Variants in KMT2C observed in about 807,000 individuals in gnomAD.
KMT2C encodes lysine methyltransferase 2C.
A neutral mutation model predicts 507.9 loss-of-function variants in KMT2C; 88 were observed. The observed-to-expected ratio is 0.17, with a 90% CI of 0.15 to 0.21. The LOEUF is 0.21. KMT2C is among the 10% of genes least tolerant of loss of function. The probability of loss-of-function intolerance (pLI) is 1.00; values close to 1 mark genes in which losing one functional copy is unlikely to be tolerated. For missense variants in KMT2C, 4,954 were observed against 5,957.8 expected, an observed-to-expected ratio of 0.83 and a Z score of 5.55; for synonymous variants, 2,049 against 2,080.8, an observed-to-expected ratio of 0.98 and a Z score of 0.42.
chr7:152,162,023 G>C, intron 43 of KMT2C, 94 bp downstream of exon 43: 1 of 1,349,086 alleles, frequency 7.4e-7, no homozygotes, highest in Non-Finnish European at 9.6e-7. Context: ...AAAGGTTGTA[G>C]AATAATGTGG....
At chr7:152,213,069 A>G (rs1293239039) in intron 23 of KMT2C, among the ~76,000 whole-genome samples, 1 of 152,248 alleles carries the variant, frequency 6.6e-6, no homozygotes, top group Non-Finnish European at 1.5e-5. Context: ...AAAAAACTAA[A>G]GACACAAATA....
In KMT2C at chr7:152,156,364, A is replaced by C; in HGVS notation, c.11671-18T>G. 6.2e-7 allele frequency: 1 copy of C among 1,613,120 alleles called. No homozygotes were observed. The highest frequency in any genetic ancestry group is 8.5e-7 in the Non-Finnish European group (1 of 1,179,576). On this transcript the variant is annotated intron_variant, in intron 44 of 58. Coordinates refer to ENST00000262189, the MANE Select transcript of KMT2C (RefSeq NM_170606.3). ...TTATTCTGCTGCAGGAGACCAAAAA[A>C]TTTAAATTATATGCTACTGAGCGAA...
chr7:152,157,351 T>C (rs1170021611), intron 44 of KMT2C, among the ~76,000 whole-genome samples: 3 of 150,796 alleles, frequency 2.0e-5, no homozygotes, highest in African/African-American at 7.3e-5. Flanking sequence ...AAACCTACAA[T>C]AGTCTAGGAA....
intron 6 of KMT2C, among the ~76,000 whole-genome samples, chr7:152,297,051 A>AAGAAAGAAAGAAAGAAAGAAAG (rs1356233143): frequency 3.3e-5 from 2 of 60,240 alleles, no homozygotes; most frequent in African/African-American, 6.8e-5. Context: ...GAAAGAAAGA[A>AAGAAAGAAAGAAAGAAAGAAAG]AGACAGAGAG....
intron 6 of KMT2C, among the ~76,000 whole-genome samples, chr7:152,282,405 A>C (rs1364068412): frequency 6.6e-6 from 1 of 152,278 alleles, no homozygotes; most frequent in Non-Finnish European, 1.5e-5. Context: ...TTCATAGAAC[A>C]CAATTCATAA....
At chr7:152,329,828 A>C in intron 3 of KMT2C, among the ~76,000 whole-genome samples, 1 of 152,098 alleles carries the variant, frequency 6.6e-6, no homozygotes, top group Non-Finnish European at 1.5e-5. Context: ...AAAACTCTTA[A>C]AACTTCAAAG....
chr7:152,294,555 T>C (rs1338125621), intron 6 of KMT2C, among the ~76,000 whole-genome samples: 3 of 151,846 alleles, frequency 2.0e-5, no homozygotes, highest in African/African-American at 4.8e-5. Context: ...CTAGAGTTCA[T>C]AGTTGCAGTA....
intron 16 of KMT2C, among the ~76,000 whole-genome samples, chr7:152,231,661 G>T (rs1268134253): frequency 6.6e-6 from 1 of 152,118 alleles, no homozygotes; most frequent in Non-Finnish European, 1.5e-5. Flanking sequence ...CACGCCTGTA[G>T]TCTCAGCTAC....
At chr7:152,344,916 G>A (rs1178260191) in intron 2 of KMT2C, among the ~76,000 whole-genome samples, 1 of 151,994 alleles carries the variant, frequency 6.6e-6, no homozygotes, top group Non-Finnish European at 1.5e-5. Context: ...GAACCCAGGA[G>A]GCGGAGCTTG....
intron 23 of KMT2C, among the ~76,000 whole-genome samples, chr7:152,218,720 T>C (rs2094663884): frequency 6.6e-6 from 1 of 151,024 alleles, no homozygotes; most frequent in South Asian, 2.1e-4. Context: ...GAGCCGTCCT[T>C]CTTGTCCTCA....
intron 56 of KMT2C, 55 bp from the exon 57 acceptor site, chr7:152,139,314 T>C: frequency 1.3e-6 from 2 of 1,519,920 alleles, no homozygotes. Context: ...CTCCCCTCTG[T>C]GTTCCTATCC....
At chr7:152,411,698 A>AC (rs1243226301) in intron 1 of KMT2C, among the ~76,000 whole-genome samples, 1 of 152,246 alleles carries the variant, frequency 6.6e-6, no homozygotes, top group Non-Finnish European at 1.5e-5. Context: ...GTAACCACTT[A>AC]CAAGAACTTC....
intron 2 of KMT2C, among the ~76,000 whole-genome samples, chr7:152,349,828 A>C (rs1268621456): frequency 6.6e-6 from 1 of 152,130 alleles, no homozygotes; most frequent in Non-Finnish European, 1.5e-5. Flanking sequence ...AAATTGTGAC[A>C]AATGTACCAC....
At chr7:152,380,909 A>C (rs565154677) in intron 1 of KMT2C, among the ~76,000 whole-genome samples, 2 of 152,344 alleles carry the variant, frequency 1.3e-5, no homozygotes, top group East Asian at 3.9e-4. Flanking sequence ...CAGACCTAGT[A>C]TATTTATGAC....
chr7:152,253,828 T>A (rs373265618), intron 9 of KMT2C, among the ~76,000 whole-genome samples: 7 of 152,108 alleles, frequency 4.6e-5, no homozygotes, highest in Non-Finnish European at 1.0e-4. Context: ...CTTACCAAAT[T>A]AGAATTGTTT....
chr7:152,325,437 C>A (rs137881376), intron 3 of KMT2C, among the ~76,000 whole-genome samples: 35 of 150,690 alleles, frequency 2.3e-4, no homozygotes, highest in African/African-American at 8.3e-4. Context: ...CATGAGCCAC[C>A]GCACCCGGCC....
chr7:152,262,653 T>C (rs111620478), intron 9 of KMT2C, among the ~76,000 whole-genome samples: 1 of 147,854 alleles, frequency 6.8e-6, no homozygotes, highest in Admixed American at 6.8e-5. Flanking sequence ...ATGGATGAAT[T>C]TCAAAATAAT....
chr7:152,188,575 CA>C (rs35832014), intron 31 of KMT2C, among the ~76,000 whole-genome samples: 6,132 of 110,202 alleles, frequency 0.056, 346 homozygotes, highest in African/African-American at 0.16. Flanking sequence ...CTCTTAATAC[CA>C]AAAAAAAAAA....
chr7:152,152,203 G>A (rs1159436661), intron 49 of KMT2C, among the ~76,000 whole-genome samples: 4 of 152,312 alleles, frequency 2.6e-5, no homozygotes, highest in South Asian at 2.1e-4. Flanking sequence ...CATCATGGTC[G>A]GTCTAAGGAA....
Sources: gnomAD v4.1 joint callset for allele counts (sites outside exome capture counted in the v4.1 genomes callset) on GRCh38, gnomAD v4.1.1 for gene constraint, MANE v1.5 for transcripts, NCBI Gene and HGNC (gene_info 2026-07-23, HGNC 2026-07-21) for gene names.